Variants in SHANK2 observed in about 807,000 individuals in gnomAD.
SHANK2 encodes SH3 and multiple ankyrin repeat domains 2.
In SHANK2, 43 loss-of-function variants were observed where a neutral mutation model predicts 133.7. The observed-to-expected ratio is 0.32, with a 90% CI of 0.25 to 0.41. The LOEUF (loss-of-function observed/expected upper bound fraction) is 0.41, where lower values mean the gene tolerates loss of function less well. Among genes scored for constraint, SHANK2 ranks in the 10% least tolerant of loss-of-function variants. The pLI is 1.00. For synonymous variants in SHANK2, 1,017 were observed against 952.8 expected (o/e 1.07, Z -1.24); for missense variants, 1,994 against 2,235.8 (o/e 0.89, Z 2.18).
chr11:70,727,233 A>G (rs982363151), intron 14 of SHANK2, among the ~76,000 whole-genome samples: 4 of 152,272 alleles, frequency 2.6e-5, no homozygotes, highest in Non-Finnish European at 5.9e-5. Context: ...ATGGGAAACT[A>G]TGTAAAAATG....
At chr11:70,773,991 A>G (rs1243740237) in intron 14 of SHANK2, among the ~76,000 whole-genome samples, 1 of 152,240 alleles carries the variant, frequency 6.6e-6, no homozygotes, top group Non-Finnish European at 1.5e-5. Flanking sequence ...TACCCAAGAG[A>G]AGTGGAAACA....
intron 17 of SHANK2, among the ~76,000 whole-genome samples, chr11:70,606,105 GGGCA>G (rs1220939809): frequency 1.1e-4 from 17 of 152,204 alleles, no homozygotes; most frequent in African/African-American, 4.1e-4. Context: ...CATGGCAGGG[GGGCA>G]GCTGGAAGGT....
At chr11:70,829,031 G>A (rs1948688060) in intron 11 of SHANK2, among the ~76,000 whole-genome samples, 1 of 152,218 alleles carries the variant, frequency 6.6e-6, no homozygotes, top group African/African-American at 2.4e-5. Context: ...TTGGCCTGAG[G>A]CCAGCGGTGT....
intron 9 of SHANK2, among the ~76,000 whole-genome samples, chr11:71,058,937 G>A (rs1221281712): frequency 2.0e-5 from 3 of 152,248 alleles, no homozygotes; most frequent in Middle Eastern, 3.2e-3. Flanking sequence ...CTGATTGGTT[G>A]GGCGCGGTGG....
chr11:70,745,929 C>T (rs1460606726), intron 14 of SHANK2, among the ~76,000 whole-genome samples: 1 of 152,236 alleles, frequency 6.6e-6, no homozygotes, highest in Non-Finnish European at 1.5e-5. Flanking sequence ...TCAAAAAAGG[C>T]CTCGGATGTG....
intron 10 of SHANK2, among the ~76,000 whole-genome samples, chr11:70,921,359 A>G (rs4980657): frequency 0.97 from 147,667 of 152,270 alleles, 71,764 homozygotes; most frequent in East Asian, 1. Flanking sequence ...CAGACTCAGG[A>G]AAAGGACTGA....
chr11:70,773,323 A>G (rs954469623), intron 14 of SHANK2, among the ~76,000 whole-genome samples: 6 of 152,238 alleles, frequency 3.9e-5, no homozygotes, highest in African/African-American at 1.2e-4. Flanking sequence ...CACAAGAGGG[A>G]AACATGCGAA....
At chr11:70,717,417 C>T (rs1945961295) in intron 14 of SHANK2, among the ~76,000 whole-genome samples, 1 of 152,200 alleles carries the variant, frequency 6.6e-6, no homozygotes, top group African/African-American at 2.4e-5. Flanking sequence ...CCTGTTTCCT[C>T]CCGAATGATC....
Position 70,500,683 on chromosome 11 carries a change from G to C in SHANK2, c.2288-93C>G. On this transcript the variant is annotated intron_variant, in intron 20 of 25. Coordinates refer to ENST00000601538, the MANE Select transcript of SHANK2 (RefSeq NM_012309.5). This position sits in a 1 kb window ranked among gnomAD's most constrained non-coding sequence, Gnocchi z 4.5. ...GCCTTGTCAGCTCAGGGCGCCTCAGGAGCAGGCTGGGCCGGCAATGGGGCG... is the reference window on the plus strand; with the variant it reads ...GCCTTGTCAGCTCAGGGCGCCTCAGCAGCAGGCTGGGCCGGCAATGGGGCG... 1 of 1,531,368 alleles carries C rather than the reference G, an allele frequency of 6.5e-7. No homozygotes were observed. Among genetic ancestry groups the C allele is most frequent in the Non-Finnish European group, 8.9e-7 (1 of 1,127,328 alleles). 94.9% of individuals were successfully genotyped at this position (1,531,368 alleles called of 1,614,324 possible). A position where few individuals can be genotyped will look rare whatever the true frequency, so the allele number is the denominator to read the frequency against.
At chr11:71,065,234 G>C (rs1951033564) in intron 9 of SHANK2, among the ~76,000 whole-genome samples, 1 of 152,178 alleles carries the variant, frequency 6.6e-6, no homozygotes, top group East Asian at 1.9e-4. Flanking sequence ...AGTGAGTGGG[G>C]AAGTTAGGGG....
chr11:71,172,144 T>TC lies in SHANK2; in HGVS notation c.-12-24807dup, dbSNP rs1953327019. 1.1e-4 allele frequency among the ~76,000 whole-genome samples: 16 copies of TC among 152,232 alleles called. No individual in the cohort carries two copies. The South Asian group carries it at 3.3e-3, about 32-fold the overall frequency. On this transcript the variant is annotated intron_variant, in intron 2 of 25. Transcript: ENST00000601538. ...AAAGGAGCAAACAATTGCTAGGATT[T>TC]CCAACACAGTGATTCCCACCTGGCA...
intron 17 of SHANK2, among the ~76,000 whole-genome samples, chr11:70,643,566 G>A (rs1447921630): frequency 5.5e-4 from 72 of 130,598 alleles, no homozygotes; most frequent in African/African-American, 2.1e-3. Context: ...ACTCCGTCTC[G>A]GAAAAAAAAA....
rs1386811138 is a variant in SHANK2, at chr11:71,216,043, GCC to G, written c.-13+8652_-13+8653del. ...GCTGGAGAGGAGGTCCAACGGCGCA[GCC>G]ACTCTCTGGAACATGGTTTGTCCCT... is the stretch of plus-strand genomic sequence containing the variant. On this transcript the variant is annotated intron_variant, in intron 2 of 25. Coordinates refer to ENST00000601538, the MANE Select transcript of SHANK2 (RefSeq NM_012309.5). 6.6e-4 allele frequency among the ~76,000 whole-genome samples: 4 copies of G among 6,022 alleles called. No homozygotes were observed. In the Non-Finnish European group the frequency reaches 0.01, roughly 15 times the overall value. The allele number at this position is 6,022 out of a possible 152,430, so 4.0% of individuals were successfully genotyped here.
chr11:71,130,288 C>G (rs1358435167), intron 3 of SHANK2, among the ~76,000 whole-genome samples: 2 of 152,216 alleles, frequency 1.3e-5, no homozygotes, highest in Non-Finnish European at 1.5e-5. Context: ...CACGTCCGCA[C>G]TGCTGAGTAA....
intron 17 of SHANK2, among the ~76,000 whole-genome samples, chr11:70,549,574 G>A (rs2059738838): frequency 3.3e-5 from 5 of 152,164 alleles, no homozygotes; most frequent in Admixed American, 3.3e-4. Flanking sequence ...GCAGGCGGGG[G>A]CCGTGGCTCC....
chr11:70,511,594 T>C lies in SHANK2; in HGVS notation c.2062-8663A>G, dbSNP rs79485024. ...TTGCCAGATTTATAGAAGGCTCAGG[T>C]AAGTACTGCAGCTCCTGGGGATAAC... On this transcript the variant is annotated intron_variant, in intron 17 of 25. Coordinates refer to ENST00000601538, the MANE Select transcript of SHANK2 (RefSeq NM_012309.5). 2.6e-5 allele frequency among the ~76,000 whole-genome samples: 4 copies of C among 152,278 alleles called. No homozygotes were observed. In the East Asian group the frequency reaches 7.7e-4, roughly 29 times the overall value.
chr11:70,763,829 TAGAG>T (rs1485743427), intron 14 of SHANK2, among the ~76,000 whole-genome samples: 1 of 152,104 alleles, frequency 6.6e-6, no homozygotes, highest in Non-Finnish European at 1.5e-5. Flanking sequence ...GCAGGCTTAC[TAGAG>T]AGAGAGGCTC....
intron 15 of SHANK2, among the ~76,000 whole-genome samples, chr11:70,693,920 GGATA>G (rs1188509925): frequency 3.3e-5 from 5 of 152,164 alleles, no homozygotes; most frequent in African/African-American, 9.7e-5. Context: ...GTGACTGGGT[GGATA>G]GATAAATAGG....
chr11:70,499,154 C>T (rs1045826772), intron 21 of SHANK2, among the ~76,000 whole-genome samples: 8 of 152,256 alleles, frequency 5.3e-5, no homozygotes, highest in African/African-American at 7.2e-5. Context: ...TTCGCATGTG[C>T]GCCATGGGAT....
Sources: gnomAD v4.1 joint callset for allele counts (sites outside exome capture counted in the v4.1 genomes callset) on GRCh38, gnomAD v4.1.1 for gene constraint, Gnocchi (gnomAD v3.1) non-coding constraint, MANE v1.5 for transcripts, NCBI Gene and HGNC (gene_info 2026-07-23, HGNC 2026-07-21) for gene names.